Variants in DLGAP1 observed in about 807,000 individuals in gnomAD.
DLGAP1 encodes the protein DLG associated protein 1.
In DLGAP1, 11 loss-of-function variants were observed where a neutral mutation model predicts 90.8. That is an observed-to-expected ratio of 0.12 (90% confidence interval 0.08 to 0.20). The LOEUF (loss-of-function observed/expected upper bound fraction) is 0.20. DLGAP1 is among the 10% of genes least tolerant of loss of function. DLGAP1 has a pLI of 1.00. For missense variants in DLGAP1, 1,050 were observed against 1,333.8 expected (o/e 0.79, Z 3.31); for synonymous variants, 558 against 540.7 (o/e 1.03, Z -0.44).
intron 9 of DLGAP1, among the ~76,000 whole-genome samples, chr18:3,548,649 C>T (rs887937916): frequency 6.6e-6 from 1 of 152,094 alleles, no homozygotes; most frequent in Non-Finnish European, 1.5e-5. Context: ...CCTCGGATCG[C>T]GCCACTGCAC....
At chr18:4,338,377 C>G (rs1229002196) in intron 1 of DLGAP1, among the ~76,000 whole-genome samples, 3 of 152,154 alleles carry the variant, frequency 2.0e-5, no homozygotes, top group Non-Finnish European at 4.4e-5. Context: ...TCCAATAATA[C>G]TTCTGGAGTA....
At chr18:3,860,386 C>T (rs1568250819) in intron 4 of DLGAP1, among the ~76,000 whole-genome samples, 1 of 152,196 alleles carries the variant, frequency 6.6e-6, no homozygotes, top group African/African-American at 2.4e-5. Flanking sequence ...GCACCTTCCA[C>T]ATGTATTAAC....
At chr18:4,384,264 T>A (rs1419300644) in intron 1 of DLGAP1, among the ~76,000 whole-genome samples, 1 of 152,190 alleles carries the variant, frequency 6.6e-6, no homozygotes, top group Non-Finnish European at 1.5e-5. Context: ...CTAAGTCTGA[T>A]TTCGAAAGAT....
chr18:3,574,061 G>A (rs1225833970), intron 8 of DLGAP1, among the ~76,000 whole-genome samples: 1 of 152,104 alleles, frequency 6.6e-6, no homozygotes, highest in Non-Finnish European at 1.5e-5. Context: ...ATGAGTGTAC[G>A]TATTATTTTG....
At chr18:4,042,532 G>A (rs556496497) in intron 2 of DLGAP1, among the ~76,000 whole-genome samples, 1 of 152,310 alleles carries the variant, frequency 6.6e-6, no homozygotes, top group African/African-American at 2.4e-5. Flanking sequence ...GATGTCAGGA[G>A]TTCGAGACAA....
At chr18:3,765,350 T>A (rs1252502063) in intron 5 of DLGAP1, among the ~76,000 whole-genome samples, 1 of 150,658 alleles carries the variant, frequency 6.6e-6, no homozygotes, top group Non-Finnish European at 1.5e-5. Context: ...CAGGATGGTC[T>A]CGATCTCCTG....
chr18:4,301,605 G>GGATATGCA (rs1408494274), intron 1 of DLGAP1, among the ~76,000 whole-genome samples: 5 of 152,122 alleles, frequency 3.3e-5, no homozygotes, highest in Non-Finnish European at 5.9e-5. Flanking sequence ...CAGTGAACAC[G>GGATATGCA]GATATGCAGA....
intron 1 of DLGAP1, among the ~76,000 whole-genome samples, chr18:4,257,132 T>C (rs1285371018): frequency 3.9e-5 from 6 of 152,230 alleles, no homozygotes; most frequent in Non-Finnish European, 7.3e-5. Flanking sequence ...ACACTGATAA[T>C]TGTGTAAACC....
At chr18:4,446,260 G>A (rs770895156) in intron 1 of DLGAP1, among the ~76,000 whole-genome samples, 5 of 152,148 alleles carry the variant, frequency 3.3e-5, no homozygotes, top group Non-Finnish European at 5.9e-5. Flanking sequence ...GAATACTAGC[G>A]AATGGGATTG....
intron 1 of DLGAP1, among the ~76,000 whole-genome samples, chr18:4,314,213 T>C (rs888959698): frequency 6.6e-6 from 1 of 152,184 alleles, no homozygotes; most frequent in African/African-American, 2.4e-5. Flanking sequence ...AGCACATTGA[T>C]TCAGAACTGG....
At chr18:4,396,368 A>C in intron 1 of DLGAP1, among the ~76,000 whole-genome samples, 1 of 152,206 alleles carries the variant, frequency 6.6e-6, no homozygotes, top group Non-Finnish European at 1.5e-5. Flanking sequence ...GGACAGAAGC[A>C]ACTCTGCAGT....
At chr18:4,284,314 C>A (rs1405164974) in intron 1 of DLGAP1, among the ~76,000 whole-genome samples, 1 of 151,644 alleles carries the variant, frequency 6.6e-6, no homozygotes, top group Non-Finnish European at 1.5e-5. Context: ...AAGTACAAGC[C>A]GAACACAGGC....
chr18:3,543,255 C>T (rs112799959), intron 9 of DLGAP1, among the ~76,000 whole-genome samples: 8 of 146,150 alleles, frequency 5.5e-5, no homozygotes, highest in Middle Eastern at 7.6e-3. Context: ...ACTGCAAGCT[C>T]CGCCTCCCGC....
At chr18:3,583,176 A>T (rs59801598) in intron 7 of DLGAP1, among the ~76,000 whole-genome samples, 56,949 of 130,462 alleles carry the variant, frequency 0.44, 11,775 homozygotes, top group East Asian at 0.51. Context: ...CTACCTACCT[A>T]CCTACCTACC....
At chr18:3,675,225 C>T (rs952508419) in intron 7 of DLGAP1, among the ~76,000 whole-genome samples, 12 of 152,196 alleles carry the variant, frequency 7.9e-5, no homozygotes, top group African/African-American at 2.9e-4. Context: ...CATGCTCCAC[C>T]ACGCCTGGCT....
At chr18:3,568,800 C>T (rs932214147) in intron 8 of DLGAP1, among the ~76,000 whole-genome samples, 2 of 152,066 alleles carry the variant, frequency 1.3e-5, no homozygotes, top group African/African-American at 4.8e-5. Context: ...CATTCTCCTG[C>T]CTCAGCTTCC....
chr18:3,800,441 AC>A (rs1478264626), intron 5 of DLGAP1, among the ~76,000 whole-genome samples: 2 of 152,264 alleles, frequency 1.3e-5, no homozygotes, highest in African/African-American at 2.4e-5. Flanking sequence ...ATAATGGAAT[AC>A]TTTGCCATTG....
chr18:4,446,771 T>C (rs1387058046), intron 1 of DLGAP1, among the ~76,000 whole-genome samples: 1 of 152,146 alleles, frequency 6.6e-6, no homozygotes, highest in Non-Finnish European at 1.5e-5. Context: ...TGAGTGGAGA[T>C]AACTGAAATG....
chr18:4,369,604 G>A (rs2081866966), intron 1 of DLGAP1, among the ~76,000 whole-genome samples: 1 of 151,782 alleles, frequency 6.6e-6, no homozygotes. Context: ...TGAAACAGAG[G>A]CAATGACTCA....
Sources: allele counts gnomAD v4.1 joint callset (sites outside exome capture counted in the v4.1 genomes callset), GRCh38; gene constraint gnomAD v4.1.1; transcripts MANE v1.5; gene names NCBI Gene and HGNC (gene_info 2026-07-23, HGNC 2026-07-21).